Variants in NALCN observed in about 807,000 individuals in gnomAD.
NALCN encodes the protein sodium leak channel NALCN.
NALCN carries 111 observed loss-of-function variants against 225.3 expected under a neutral mutation model. That is an observed-to-expected ratio of 0.49 (90% CI 0.42 to 0.58). The LOEUF (loss-of-function observed/expected upper bound fraction) is 0.58. Ranked by LOEUF, NALCN falls within the 20% of genes least tolerant of loss-of-function variation. The probability of loss-of-function intolerance (pLI) is 0.00; values close to 1 mark genes in which losing one functional copy is unlikely to be tolerated. For missense variants in NALCN, 1,378 were observed against 2,202.4 expected (o/e 0.63, Z 7.49); for synonymous variants, 764 against 769.0 (o/e 0.99, Z 0.11).
chr13:101,202,674 C>T (rs1451582183), intron 13 of NALCN, among the ~76,000 whole-genome samples: 2 of 152,150 alleles, frequency 1.3e-5, no homozygotes, highest in Admixed American at 1.3e-4. Flanking sequence ...AATGGGTTCC[C>T]TCCTCACACA....
chr13:101,389,157 T>C lies in NALCN; in HGVS notation c.291+6026A>G, dbSNP rs184387348. 2.2e-3 allele frequency among the ~76,000 whole-genome samples: 329 copies of C among 152,306 alleles called. 5 individuals are homozygous for C. Among genetic ancestry groups the C allele is most frequent in the African/African-American group, 7.4e-3 (306 of 41,556 alleles). On this transcript the variant is annotated intron_variant, in intron 3 of 43. Transcript: ENST00000251127. ...CACATTGTGGAAGATACAGACAATT[T>C]TGGAATCATCCTGAAATCTGTTCAT...
chr13:101,123,938 G>A (rs967750872), intron 18 of NALCN, among the ~76,000 whole-genome samples: 3 of 152,132 alleles, frequency 2.0e-5, no homozygotes, highest in East Asian at 1.9e-4. Context: ...CCTTGCGAGC[G>A]ATCCTACCTC....
At chr13:101,348,503 G>A (rs1228287036) in intron 6 of NALCN, among the ~76,000 whole-genome samples, 1 of 152,078 alleles carries the variant, frequency 6.6e-6, no homozygotes, top group Non-Finnish European at 1.5e-5. Flanking sequence ...GATAGTTATT[G>A]CATTCTTTGT....
intron 37 of NALCN, among the ~76,000 whole-genome samples, chr13:101,069,263 T>G (rs1210471231): frequency 6.6e-6 from 1 of 152,272 alleles, no homozygotes; most frequent in Non-Finnish European, 1.5e-5. Flanking sequence ...CAGTTTCAGT[T>G]CCAGACTGCT....
chr13:101,106,201 T>C (rs753803019), intron 22 of NALCN, among the ~76,000 whole-genome samples: 2 of 152,226 alleles, frequency 1.3e-5, no homozygotes, highest in Middle Eastern at 3.4e-3. Context: ...AATGTTCTCT[T>C]AAGGAAACCA....
chr13:101,241,926 A>G lies in NALCN; in HGVS notation c.1267-4004T>C, dbSNP rs1234791725. Among the ~76,000 whole-genome samples the G allele has an allele frequency of 2.9e-5, 3 of 105,218 alleles. 1 individual carries two copies. Among genetic ancestry groups the G allele is most frequent in the Non-Finnish European group, 6.4e-5 (3 of 47,056 alleles). 69.0% of individuals were successfully genotyped at this position (105,218 alleles called of 152,430 possible). On this transcript the variant is annotated intron_variant, in intron 11 of 43. Coordinates refer to ENST00000251127, the MANE Select transcript of NALCN (RefSeq NM_052867.4). ...CTCCTGAAAACTGCAAGTTCTGGTC[A>G]CAAGGATTTGCAAATGTCCTCAGGG... is the stretch of plus-strand genomic sequence containing the variant.
In NALCN at chr13:101,054,267, T is replaced by TGTGA. The variant is rs1350920697; in HGVS notation, c.*1024_*1027dup. 3.9e-5 allele frequency: 6 copies of TGTGA among 152,196 alleles called. No homozygotes were observed. Among genetic ancestry groups the TGTGA allele is most frequent in the Admixed American group, 6.5e-5 (1 of 15,278 alleles). The allele number at this position is 152,196 out of a possible 1,614,324, so 9.4% of individuals were successfully genotyped here. ...TAAGTAAGTTGTGTGATCCCTAACC[T>TGTGA]GTGAGTTCAAAGGAAGATTTTGCAG... On this transcript the variant is annotated 3_prime_UTR_variant, in exon 44 of 44. Coordinates refer to ENST00000251127, the MANE Select transcript of NALCN (RefSeq NM_052867.4).
chr13:101,298,128 T>A (rs1165838424), intron 7 of NALCN, among the ~76,000 whole-genome samples: 2 of 152,226 alleles, frequency 1.3e-5, no homozygotes, highest in African/African-American at 4.8e-5. Context: ...AAACTCCAAA[T>A]AGATACTTAT....
At chr13:101,116,965 C>T (rs1403597914) in intron 18 of NALCN, 5 of 516,646 alleles carry the variant, frequency 9.7e-6, no homozygotes, top group Middle Eastern at 6.3e-4. Context: ...GTAGAGACAA[C>T]AGCGGATGCT....
intron 15 of NALCN, among the ~76,000 whole-genome samples, chr13:101,155,900 C>T (rs1364919273): frequency 3.3e-5 from 5 of 152,106 alleles, no homozygotes; most frequent in Non-Finnish European, 7.4e-5. Flanking sequence ...TTCCTAATGG[C>T]AATTTTCTGT....
rs189387840 is a variant in NALCN at position 101,055,446 on chromosome 13, C to T, written c.5066G>A (p.Arg1689Gln). The T allele has an allele frequency of 1.1e-5, 17 of 1,614,038 alleles. No individual in the cohort carries two copies. The highest frequency in any genetic ancestry group is 4.0e-5 in the African/African-American group (3 of 75,000). Residue 1689 changes from arginine (R) to glutamine (Q), a missense_variant, in exon 44 of 44, where the codon CGG becomes CAG. Arg to Gln is a conservative substitution (Grantham distance 43). Transcript: ENST00000251127. ...ISHSVSSVNL[R>Q]FGGRTTMKSV... ...TTTCATGGTTGTCCTTCCTCCAAAC[C>T]GTAAGTTGACTGAGGACACTGAATG...
intron 14 of NALCN, among the ~76,000 whole-genome samples, chr13:101,179,784 C>A (rs1277936347): frequency 6.6e-6 from 1 of 152,152 alleles, no homozygotes; most frequent in Admixed American, 6.5e-5. Context: ...TAGCTTCAAA[C>A]AACAGACATT....
intron 7 of NALCN, among the ~76,000 whole-genome samples, chr13:101,324,516 T>C (rs1257909606): frequency 6.6e-6 from 1 of 152,240 alleles, no homozygotes; most frequent in Non-Finnish European, 1.5e-5. Flanking sequence ...GTTAGATTCC[T>C]AGGTATTTTA....
intron 14 of NALCN, among the ~76,000 whole-genome samples, chr13:101,178,542 G>A (rs1207294950): frequency 6.6e-6 from 1 of 152,150 alleles, no homozygotes; most frequent in East Asian, 1.9e-4. Flanking sequence ...TCTCCTTGAA[G>A]TAATGTAAAC....
In NALCN at chr13:101,384,416, AGT is replaced by A. The variant is rs531069693; in HGVS notation, c.292-5765_292-5764del. Among the ~76,000 whole-genome samples, 413 of 152,044 alleles carry A rather than the reference AGT, an allele frequency of 2.7e-3. 2 individuals are homozygous for A. Among genetic ancestry groups the A allele is most frequent in the Middle Eastern group, 0.01 (3 of 294 alleles). ...CTGCCAATCAACGATAAGGTAAGAA[AGT>A]AACAACATATCATGCAAGTATTTAA... On this transcript the variant is annotated intron_variant, in intron 3 of 43. Transcript: ENST00000251127.
At chr13:101,084,919 A>G (rs1192237465) in intron 30 of NALCN, among the ~76,000 whole-genome samples, 1 of 152,198 alleles carries the variant, frequency 6.6e-6, no homozygotes, top group African/African-American at 2.4e-5. Flanking sequence ...CAAATTTCCT[A>G]CCAGCAATAC....
rs139408630 is a variant in NALCN at position 101,378,898 on chromosome 13, AT to A, written c.292-246del. On this transcript the variant is annotated intron_variant, in intron 3 of 43. Transcript: ENST00000251127. The stretch of plus-strand genomic sequence containing the variant: ...ATTCATGCAAAGGGAAAATATCACT[AT>A]TTTTTTTTTCTCAGCCACACAAATT... 0.19 allele frequency among the ~76,000 whole-genome samples: 28,208 copies of A among 150,524 alleles called. 2,990 individuals carry two copies. The highest frequency in any genetic ancestry group is 0.25 in the Non-Finnish European group (16,745 of 67,568).
intron 42 of NALCN, among the ~76,000 whole-genome samples, chr13:101,059,595 A>C (rs920578466): frequency 6.6e-6 from 1 of 151,856 alleles, no homozygotes; most frequent in Non-Finnish European, 1.5e-5. Flanking sequence ...CATATGAGTC[A>C]GACTCTTTTT....
chr13:101,207,140 G>A (rs1031826295), intron 13 of NALCN, among the ~76,000 whole-genome samples: 16 of 152,104 alleles, frequency 1.1e-4, no homozygotes, highest in African/African-American at 3.9e-4. Context: ...GAAGATCAAA[G>A]GATAAGATGC....
Sources: gnomAD v4.1 joint callset for allele counts (sites outside exome capture counted in the v4.1 genomes callset) on GRCh38, gnomAD v4.1.1 for gene constraint, MANE v1.5 for transcripts, NCBI Gene and HGNC (gene_info 2026-07-23, HGNC 2026-07-21) for gene names.